Variants in AFF2 observed in about 807,000 individuals in gnomAD.
AFF2 encodes AF4/FMR2 family member 2.
Under a neutral mutation model 76.9 loss-of-function variants are expected in AFF2, and 14 were observed. The observed-to-expected ratio is 0.18, with a 90% CI of 0.12 to 0.28. The LOEUF is 0.28. Among genes scored for constraint, AFF2 ranks in the 10% least tolerant of loss-of-function variants. The pLI, the probability that AFF2 is intolerant of heterozygous loss-of-function variation, is 1.00. For synonymous variants in AFF2, 398 were observed against 366.7 expected (o/e 1.09, Z -0.98); for missense variants, 868 against 1,001.1 (o/e 0.87, Z 1.79).
chrX:148,602,864 G>A, intron 1 of AFF2, among the ~76,000 whole-genome samples: 1 of 109,362 alleles, frequency 9.1e-6, no homozygotes, highest in South Asian at 3.9e-4. Context: ...GACTAATGCA[G>A]GTAAAATACT....
At chrX:148,866,431 G>A (rs1261646871) in intron 7 of AFF2, among the ~76,000 whole-genome samples, 3 of 112,383 alleles carry the variant, frequency 2.7e-5, no homozygotes, top group Admixed American at 9.4e-5. Context: ...AACACTAGTA[G>A]CGAACAAAGA....
intron 9 of AFF2, among the ~76,000 whole-genome samples, chrX:148,925,534 T>C (rs2071641609): frequency 8.9e-6 from 1 of 112,195 alleles, no homozygotes; most frequent in Non-Finnish European, 1.9e-5. Flanking sequence ...CCGATGGCTC[T>C]GGCCTTGGGA....
intron 1 of AFF2, among the ~76,000 whole-genome samples, chrX:148,608,576 C>T (rs915266589): frequency 1.8e-5 from 2 of 108,913 alleles, no homozygotes; most frequent in African/African-American, 3.3e-5. Context: ...AGTGCAGTGG[C>T]GTGATTGTAG....
At chrX:148,956,691 T>G (rs1200808683) in intron 11 of AFF2, 78 bp downstream of exon 11, 6 of 999,232 alleles carry the variant, frequency 6.0e-6, no homozygotes, top group South Asian at 2.4e-5. Flanking sequence ...GAGCCTCATC[T>G]TCAAGGAAGC....
At chrX:148,722,495 G>A (rs1390108630) in intron 3 of AFF2, among the ~76,000 whole-genome samples, 4 of 110,316 alleles carry the variant, frequency 3.6e-5, no homozygotes, top group African/African-American at 1.3e-4. Flanking sequence ...CTTCATGTGA[G>A]ATGTCCTCTT....
intron 3 of AFF2, among the ~76,000 whole-genome samples, chrX:148,762,743 G>A (rs190365943): frequency 1.2e-3 from 129 of 110,893 alleles, no homozygotes; most frequent in Admixed American, 5.3e-3. Flanking sequence ...CTGGCTGCTA[G>A]GGAACTGACT....
intron 1 of AFF2, among the ~76,000 whole-genome samples, chrX:148,529,438 A>G (rs1397870904): frequency 8.9e-6 from 1 of 112,457 alleles, no homozygotes; most frequent in Non-Finnish European, 1.9e-5. Flanking sequence ...CAACACAGCT[A>G]CAGCAACTGG....
In AFF2 at chrX:148,930,930, A is replaced by G. The variant is rs782352124; in HGVS notation, c.1398-22650A>G. ...TTCATTTCATCAAATACCACATTTT[A>G]CAACTGGTTGTGCTAAGTGGACATT... On this transcript the variant is annotated intron_variant, in intron 9 of 20. Coordinates refer to ENST00000370460, the MANE Select transcript of AFF2 (RefSeq NM_002025.4). 3.6e-5 allele frequency among the ~76,000 whole-genome samples: 4 copies of G among 112,030 alleles called. No homozygotes were observed. In the South Asian group the frequency reaches 1.5e-3, roughly 42 times the overall value.
intron 3 of AFF2, among the ~76,000 whole-genome samples, chrX:148,704,419 G>T (rs782040662): frequency 5.9e-3 from 26 of 4,405 alleles, no homozygotes; most frequent in South Asian, 0.01. Context: ...TATATGTGTA[G>T]ATATATATTT....
At chrX:148,557,787 C>G (rs996192466) in intron 1 of AFF2, among the ~76,000 whole-genome samples, 2 of 112,306 alleles carry the variant, frequency 1.8e-5, no homozygotes, top group Non-Finnish European at 1.9e-5. Flanking sequence ...TTAATGCTAG[C>G]TAATAGTTGG....
chrX:148,562,002 G>A (rs374873765), intron 1 of AFF2, among the ~76,000 whole-genome samples: 1 of 111,752 alleles, frequency 8.9e-6, no homozygotes, highest in African/African-American at 3.3e-5. Context: ...TAGGATTCAC[G>A]GTCTGTGAAA....
intron 4 of AFF2, among the ~76,000 whole-genome samples, chrX:148,810,204 C>G (rs1234543544): frequency 8.9e-6 from 1 of 112,122 alleles, no homozygotes; most frequent in Non-Finnish European, 1.9e-5. Flanking sequence ...GTTCCCTGTT[C>G]AAGCACCATA....
chrX:148,569,365 C>T (rs1032418351), intron 1 of AFF2, among the ~76,000 whole-genome samples: 7 of 111,526 alleles, frequency 6.3e-5, no homozygotes, highest in Non-Finnish European at 1.9e-5. Flanking sequence ...TTTTACCAAG[C>T]TTTTAGCGGT....
At chrX:148,670,266 T>C (rs992155438) in intron 3 of AFF2, among the ~76,000 whole-genome samples, 3 of 111,333 alleles carry the variant, frequency 2.7e-5, no homozygotes, top group Admixed American at 9.5e-5. Flanking sequence ...ATTCTCACAA[T>C]AGCAGGACTG....
intron 3 of AFF2, among the ~76,000 whole-genome samples, chrX:148,687,064 C>T (rs897259523): frequency 1.4e-4 from 16 of 111,661 alleles, no homozygotes; most frequent in Non-Finnish European, 2.8e-4. Context: ...TACTTTAACG[C>T]TTAAGCAGTG....
intron 1 of AFF2, among the ~76,000 whole-genome samples, chrX:148,610,603 G>A (rs1195757287): frequency 9.0e-6 from 1 of 111,526 alleles, no homozygotes; most frequent in Admixed American, 9.5e-5. Context: ...TCTACAAGAT[G>A]AGTGATTTAT....
intron 9 of AFF2, among the ~76,000 whole-genome samples, chrX:148,951,181 G>A (rs782244179): frequency 9.1e-4 from 97 of 106,507 alleles, no homozygotes; most frequent in Non-Finnish European, 1.3e-3. Context: ...ACACACACAC[G>A]CACACACACA....
chrX:148,837,860 T>G (rs1426128912), intron 5 of AFF2, 127 bp downstream of exon 5: 2 of 447,983 alleles, frequency 4.5e-6, no homozygotes, highest in Non-Finnish European at 7.8e-6. Flanking sequence ...CTCTTGCCCC[T>G]CAGAATAGCA....
At chrX:148,873,507 G>A (rs2071002438) in intron 7 of AFF2, among the ~76,000 whole-genome samples, 1 of 106,258 alleles carries the variant, frequency 9.4e-6, no homozygotes, top group Non-Finnish European at 1.9e-5. Context: ...ATAAATTCTG[G>A]ATACTAGATC....
Sources: gnomAD v4.1 joint callset for allele counts (sites outside exome capture counted in the v4.1 genomes callset) on GRCh38, gnomAD v4.1.1 for gene constraint, MANE v1.5 for transcripts, NCBI Gene and HGNC (gene_info 2026-07-23, HGNC 2026-07-21) for gene names.